STAG1: variants seen among roughly 807,000 people sequenced by gnomAD.
STAG1 encodes STAG1 cohesin complex component, also known as cohesin subunit SA-1.
A neutral mutation model predicts 170.9 loss-of-function variants in STAG1; 26 were observed. The ratio of observed to expected loss-of-function variants is 0.15; its 90% CI spans 0.11 to 0.21. STAG1 has a LOEUF of 0.21. STAG1 is among the 10% of genes least tolerant of loss of function. The pLI, the probability that STAG1 is intolerant of heterozygous loss-of-function variation, is 1.00. For synonymous variants in STAG1, 514 were observed against 497.7 expected, an observed-to-expected ratio of 1.03 and a Z score of -0.44; for missense variants, 964 against 1,509.5, an observed-to-expected ratio of 0.64 and a Z score of 5.99.
intron 1 of STAG1, among the ~76,000 whole-genome samples, chr3:136,750,146 T>A (rs919557206): frequency 2.0e-5 from 3 of 152,190 alleles, no homozygotes; most frequent in African/African-American, 7.2e-5. Flanking sequence ...TTCACAGACA[T>A]CTTGTTACAC....
At chr3:136,732,498 GAAAGA>G (rs1934098300) in intron 1 of STAG1, among the ~76,000 whole-genome samples, 1 of 152,130 alleles carries the variant, frequency 6.6e-6, no homozygotes, top group Non-Finnish European at 1.5e-5. Flanking sequence ...CTTTTCTGAA[GAAAGA>G]AAAGGAGCCT....
chr3:136,458,301 C>A (rs992760627), intron 13 of STAG1, among the ~76,000 whole-genome samples: 2 of 152,086 alleles, frequency 1.3e-5, no homozygotes, highest in African/African-American at 4.8e-5. Flanking sequence ...GAATTACAGG[C>A]ACCTGCCATC....
intron 26 of STAG1, among the ~76,000 whole-genome samples, chr3:136,362,239 G>A (rs1280564065): frequency 2.0e-5 from 3 of 152,040 alleles, no homozygotes; most frequent in Non-Finnish European, 4.4e-5. Context: ...GATTACAGGT[G>A]TGAGCCACTG....
chr3:136,684,593 A>T (rs1164027802), intron 1 of STAG1, among the ~76,000 whole-genome samples: 1 of 151,942 alleles, frequency 6.6e-6, no homozygotes, highest in Non-Finnish European at 1.5e-5. Flanking sequence ...CTACTAAAAA[A>T]TACAAAAATT....
intron 4 of STAG1, among the ~76,000 whole-genome samples, chr3:136,576,206 A>C (rs947105821): frequency 2.6e-5 from 4 of 152,260 alleles, no homozygotes; most frequent in Non-Finnish European, 5.9e-5. Flanking sequence ...CTAATGACAG[A>C]AACAGTTGCT....
intron 9 of STAG1, among the ~76,000 whole-genome samples, chr3:136,497,511 T>C (rs748140400): frequency 6.6e-6 from 1 of 152,016 alleles, no homozygotes; most frequent in Non-Finnish European, 1.5e-5. Context: ...ATCCAAGATA[T>C]ATTCCTAATA....
rs116206348 is a variant in STAG1, at chr3:136,524,973, G to C, written c.472-3556C>G. On this transcript the variant is annotated intron_variant, in intron 6 of 33. Transcript: ENST00000383202. ...CTTGATCATGGTGGATGAACTTTTT[G>C]ATGTGCTGCCAGATTCAGTTTGCCG... Among the ~76,000 whole-genome samples the C allele has an allele frequency of 8.6e-3, 1,316 of 152,254 alleles. 24 individuals are homozygous for C. Among genetic ancestry groups the C allele is most frequent in the African/African-American group, 0.029 (1,200 of 41,546 alleles).
At chr3:136,350,000 C>T (rs139527344) in intron 28 of STAG1, among the ~76,000 whole-genome samples, 4 of 152,012 alleles carry the variant, frequency 2.6e-5, no homozygotes, top group East Asian at 1.9e-4. Flanking sequence ...ATTAGCCAGG[C>T]GTGGTGGCAT....
chr3:136,701,118 G>C (rs948270051), intron 1 of STAG1, among the ~76,000 whole-genome samples: 1 of 151,788 alleles, frequency 6.6e-6, no homozygotes, highest in Non-Finnish European at 1.5e-5. Flanking sequence ...TTGACCTCAG[G>C]TGATCCACCC....
intron 1 of STAG1, 50 bp from the exon 2 acceptor site, chr3:136,631,031 A>C (rs1402262404): frequency 1.1e-6 from 1 of 887,452 alleles, no homozygotes; most frequent in Non-Finnish European, 1.7e-6. Context: ...AGGATGACAA[A>C]ATTCATAAAC....
chr3:136,619,688 C>T (rs539464446), intron 3 of STAG1, among the ~76,000 whole-genome samples: 209 of 134,576 alleles, frequency 1.6e-3, no homozygotes, highest in African/African-American at 5.7e-3. Flanking sequence ...ACCTGGGAGG[C>T]AGAGGTTGCA....
rs541564951 is a variant in STAG1, at chr3:136,476,247, C to T, written c.1026+1042G>A. Among the ~76,000 whole-genome samples the T allele has an allele frequency of 2.0e-5, 3 of 152,314 alleles. No homozygotes were observed. The South Asian group carries it at 6.2e-4, about 32-fold the overall frequency. On this transcript the variant is annotated intron_variant, in intron 10 of 33. Transcript: ENST00000383202. ...CTTGATATAATACACAGACCTTCCT[C>T]CTGGTCATGAGACTAAGGACAAATC... is the stretch of plus-strand genomic sequence containing the variant.
chr3:136,646,672 C>T (rs1345439922), intron 1 of STAG1, among the ~76,000 whole-genome samples: 1 of 152,022 alleles, frequency 6.6e-6, no homozygotes, highest in Non-Finnish European at 1.5e-5. Flanking sequence ...CTTTGAGAGG[C>T]CGAGGCAGGC....
chr3:136,633,788 C>T (rs1017927136), intron 1 of STAG1, among the ~76,000 whole-genome samples: 2 of 147,258 alleles, frequency 1.4e-5, no homozygotes, highest in African/African-American at 5.0e-5. Context: ...GAGTTCGAGA[C>T]CAGCCCAGGC....
chr3:136,432,921 G>A (rs544361083), intron 16 of STAG1, among the ~76,000 whole-genome samples: 6 of 152,164 alleles, frequency 3.9e-5, no homozygotes, highest in East Asian at 1.9e-4. Context: ...ACAGACTTCC[G>A]CTGCTTTTAC....
At chr3:136,493,322 G>A (rs554300645) in intron 9 of STAG1, among the ~76,000 whole-genome samples, 1 of 152,122 alleles carries the variant, frequency 6.6e-6, no homozygotes, top group Non-Finnish European at 1.5e-5. Flanking sequence ...CCACCTGGGT[G>A]ACAGAGTAAA....
intron 1 of STAG1, among the ~76,000 whole-genome samples, chr3:136,732,103 G>A (rs1189183994): frequency 3.3e-5 from 5 of 152,092 alleles, no homozygotes; most frequent in Non-Finnish European, 7.3e-5. Flanking sequence ...GAGGCCCAGA[G>A]AAGTAATCAA....
At chr3:136,749,159 T>C (rs1318730080) in intron 1 of STAG1, among the ~76,000 whole-genome samples, 4 of 152,154 alleles carry the variant, frequency 2.6e-5, no homozygotes, top group Non-Finnish European at 1.5e-5. Flanking sequence ...TGACAAAATA[T>C]ATGTTTGCAT....
At chr3:136,536,266 G>C (rs537599872) in intron 6 of STAG1, among the ~76,000 whole-genome samples, 2 of 152,134 alleles carry the variant, frequency 1.3e-5, no homozygotes, top group East Asian at 3.9e-4. Flanking sequence ...AAAACTACTA[G>C]TACAATTCTA....
Sources: allele counts gnomAD v4.1 joint callset (sites outside exome capture counted in the v4.1 genomes callset), GRCh38; gene constraint gnomAD v4.1.1; transcripts MANE v1.5; gene names NCBI Gene and HGNC (gene_info 2026-07-23, HGNC 2026-07-21).